Variants in CDKN3 observed in about 807,000 individuals in gnomAD.
CDKN3 encodes cyclin dependent kinase inhibitor 3, also known as cyclin-dependent kinase inhibitor 3.
A neutral mutation model predicts 36.1 loss-of-function variants in CDKN3; 19 were observed. That is an observed-to-expected ratio of 0.53 (90% CI 0.37 to 0.77). CDKN3 has a LOEUF of 0.77. CDKN3 is among the 30% of genes least tolerant of loss of function. The probability of loss-of-function intolerance (pLI) is 0.00; values close to 1 mark genes in which losing one functional copy is unlikely to be tolerated. For synonymous variants in CDKN3, 71 were observed against 85.3 expected (o/e 0.83, Z 0.92); for missense variants, 188 against 248.6 (o/e 0.76, Z 1.64).
At chr14:54,413,917 T>A in intron 5 of CDKN3, 1 of 990,888 alleles carries the variant, frequency 1.0e-6, no homozygotes, top group Non-Finnish European at 1.3e-6. Context: ...CTAGAGGATG[T>A]AAGTCCAAAA....
chr14:54,400,286 A>G (rs1232171906), intron 2 of CDKN3, among the ~76,000 whole-genome samples: 1 of 148,054 alleles, frequency 6.8e-6, no homozygotes, highest in African/African-American at 2.5e-5. Flanking sequence ...TAGTAGAAGG[A>G]AGTAAGTAGG....
In CDKN3 at chr14:54,418,099, T is replaced by G. The variant is rs1284873800; in HGVS notation, c.552+148T>G. On this transcript the variant is annotated intron_variant, in intron 7 of 7. Coordinates refer to ENST00000335183, the MANE Select transcript of CDKN3 (RefSeq NM_005192.4). ...ACTCTGTTATTCAAATACCACTTGC[T>G]TATGCTTTTAGTTTTTAAAAATTTA... 5 of 691,142 alleles carry G rather than the reference T, an allele frequency of 7.2e-6. No homozygotes were observed. The East Asian group carries it at 1.1e-4, about 15-fold the overall frequency. 42.8% of individuals were successfully genotyped at this position (691,142 alleles called of 1,614,324 possible). A position where few individuals can be genotyped will look rare whatever the true frequency, so the allele number is the denominator to read the frequency against.
At chr14:54,410,699 T>C (rs758155307) in intron 4 of CDKN3, among the ~76,000 whole-genome samples, 2 of 152,204 alleles carry the variant, frequency 1.3e-5, no homozygotes, top group Non-Finnish European at 2.9e-5. Context: ...AGATTTTATA[T>C]ACAATACTCA....
chr14:54,418,019 A>T, intron 7 of CDKN3, 68 bp downstream of exon 7: 6 of 866,154 alleles, frequency 6.9e-6, no homozygotes, highest in Non-Finnish European at 1.1e-5. Flanking sequence ...ATTCATGTGT[A>T]ACCAAAAGGT....
intron 4 of CDKN3, 136 bp downstream of exon 4, chr14:54,408,925 A>G (rs2030259107): frequency 8.2e-7 from 1 of 1,221,530 alleles, no homozygotes; most frequent in Non-Finnish European, 1.1e-6. Flanking sequence ...GTTCCAAACT[A>G]TAGACTTATT....
intron 7 of CDKN3, 57 bp from the exon 8 acceptor site, chr14:54,419,935 C>T: frequency 1.1e-6 from 1 of 941,576 alleles, no homozygotes; most frequent in Non-Finnish European, 1.7e-6. Context: ...TAATATTGTG[C>T]CCACACTGAT....
chr14:54,415,941 T>C lies in CDKN3; in HGVS notation c.448+11T>C, dbSNP rs2030525081. On this transcript the variant is annotated intron_variant, in intron 6 of 7. Coordinates refer to ENST00000335183, the MANE Select transcript of CDKN3 (RefSeq NM_005192.4). ...GGAGATCTTGTCTTGGTAAGAAATATATTTCTATTATTTTTTTAACCGCCA... is the reference window on the plus strand; with the variant it reads ...GGAGATCTTGTCTTGGTAAGAAATACATTTCTATTATTTTTTTAACCGCCA... 3 of 1,568,098 alleles carry C rather than the reference T, an allele frequency of 1.9e-6. No individual in the cohort carries two copies. The highest frequency in any genetic ancestry group is 2.2e-5 in the South Asian group (2 of 89,708).
chr14:54,399,894 C>G lies in CDKN3; in HGVS notation c.10C>G (p.Pro4Ala). MKPPSSIQTSEFDS... is the reference protein window; with the variant it reads MKPASSIQTSEFDS... ...ATTTAACATAACATTTCTTTTGAAG[C>G]CCAGTTCAATACAAACAAGTGAGTT... The change falls in exon 2 of 8, where the codon CCC becomes GCC. Residue 4 changes from proline (P) to alanine (A), a missense_variant and splice_region_variant. Physicochemically the swap from Pro to Ala is conservative, Grantham distance 27 (BLOSUM62 -1). Transcript: ENST00000335183. 1 of 1,539,292 alleles carries G rather than the reference C, an allele frequency of 6.5e-7. No individual in the cohort carries two copies. The highest frequency in any genetic ancestry group is 9.0e-7 in the Non-Finnish European group (1 of 1,112,828).
chr14:54,400,895 C>T (rs1437956216), intron 2 of CDKN3, among the ~76,000 whole-genome samples: 2 of 152,130 alleles, frequency 1.3e-5, no homozygotes, highest in Non-Finnish European at 2.9e-5. Context: ...TAACCAAAAA[C>T]CTGTGGTTTT....
intron 4 of CDKN3, among the ~76,000 whole-genome samples, chr14:54,411,008 G>A (rs1412121405): frequency 7.2e-5 from 11 of 151,886 alleles, no homozygotes; most frequent in Admixed American, 4.6e-4. Flanking sequence ...GTGAAACCCC[G>A]TCTCTACTAA....
In CDKN3 at chr14:54,411,557, C is replaced by G. The variant is rs762684478; in HGVS notation, c.267C>G (p.Val89=). 2 of 1,613,918 alleles carry G rather than the reference C, an allele frequency of 1.2e-6. No homozygotes were observed. The highest frequency in any genetic ancestry group is 2.7e-5 in the African/African-American group (2 of 74,886). The change falls in exon 5 of 8, where the codon GTC becomes GTG. Residue 89 remains valine, a synonymous_variant. Transcript: ENST00000335183. ...GAGGGGAACTGTCAAAATATAGAGT[C>G]CCAAACCTTCTGGATCTCTACCAGC... is the stretch of plus-strand genomic sequence containing the variant. ...CTRGELSKYR[V]PNLLDLYQQC...
chr14:54,411,142 C>A (rs553166825), intron 4 of CDKN3: 50 of 181,348 alleles, frequency 2.8e-4, no homozygotes, highest in Admixed American at 1.6e-3. Context: ...CGTGCCATTG[C>A]ACTCCGGCCT....
intron 3 of CDKN3, among the ~76,000 whole-genome samples, chr14:54,404,870 G>A (rs1227683402): frequency 6.6e-6 from 1 of 152,108 alleles, no homozygotes; most frequent in Non-Finnish European, 1.5e-5. Context: ...CTGAGCCACC[G>A]CACCCGGCTT....
intron 5 of CDKN3, chr14:54,413,016 C>A (rs2030413839): frequency 5.0e-6 from 2 of 396,688 alleles, no homozygotes; most frequent in African/African-American, 2.1e-5. Flanking sequence ...CTCATGCCAA[C>A]AGTGTCAGTT....
chr14:54,408,829 A>T, intron 4 of CDKN3, 40 bp downstream of exon 4: 1 of 1,515,544 alleles, frequency 6.6e-7, no homozygotes, highest in Non-Finnish European at 8.8e-7. Context: ...TGGGTTTTTT[A>T]AATGAATAGC....
At chr14:54,415,764 T>C in intron 5 of CDKN3, 135 bp from the exon 6 acceptor site, 1 of 719,984 alleles carries the variant, frequency 1.4e-6, no homozygotes. Flanking sequence ...AAATCAAAAA[T>C]ATTTATTAAT....
Position 54,415,879 on chromosome 14 carries a change from A to C in CDKN3, c.417-20A>C. 6.3e-7 allele frequency: 1 copy of C among 1,587,662 alleles called. No individual in the cohort carries two copies. The highest frequency in any genetic ancestry group is 8.6e-7 in the Non-Finnish European group (1 of 1,156,110). ...GATGGAATGAAATGTACAAACTTCAAAACTGTATTTCCCTTTCAGCTGCTA... is the reference window on the plus strand; with the variant it reads ...GATGGAATGAAATGTACAAACTTCACAACTGTATTTCCCTTTCAGCTGCTA... On this transcript the variant is annotated intron_variant, in intron 5 of 7. Coordinates refer to ENST00000335183, the MANE Select transcript of CDKN3 (RefSeq NM_005192.4).
chr14:54,408,283 A>G (rs2030231693), intron 3 of CDKN3, among the ~76,000 whole-genome samples: 1 of 152,220 alleles, frequency 6.6e-6, no homozygotes, highest in African/African-American at 2.4e-5. Flanking sequence ...TATATTTAGA[A>G]CAAGTATTTG....
intron 4 of CDKN3, among the ~76,000 whole-genome samples, chr14:54,410,221 A>G (rs770048080): frequency 6.6e-6 from 1 of 152,166 alleles, no homozygotes; most frequent in Admixed American, 6.5e-5. Flanking sequence ...TTGATTGGAG[A>G]CCTAGAATCT....
Sources: gnomAD v4.1 joint callset for allele counts (sites outside exome capture counted in the v4.1 genomes callset) on GRCh38, gnomAD v4.1.1 for gene constraint, MANE v1.5 for transcripts, NCBI Gene and HGNC (gene_info 2026-07-23, HGNC 2026-07-21) for gene names.